The following RAPGEF4 variants were observed in gnomAD, a reference collection of about 807,000 sequenced individuals.
RAPGEF4 encodes RAP guanine-nucleotide-exchange factor (GEF) 4.
In RAPGEF4, 66 loss-of-function variants were observed where a neutral mutation model predicts 147.9. That is an observed-to-expected ratio of 0.45 (90% CI 0.37 to 0.55). The LOEUF is 0.55. RAPGEF4 is among the 20% of genes least tolerant of loss of function. The pLI is 0.00. For synonymous variants in RAPGEF4, 419 were observed against 442.7 expected (o/e 0.95, Z 0.67); for missense variants, 1,071 against 1,257.3 (o/e 0.85, Z 2.24).
intron 19 of RAPGEF4, among the ~76,000 whole-genome samples, chr2:173,016,954 A>G (rs16861173): frequency 0.057 from 8,622 of 152,276 alleles, 335 homozygotes; most frequent in East Asian, 0.1. Context: ...GGCTTTGAAC[A>G]TCGGTTCTGC....
At chr2:172,992,223 A>G (rs977475848) in intron 15 of RAPGEF4, among the ~76,000 whole-genome samples, 1 of 152,230 alleles carries the variant, frequency 6.6e-6, no homozygotes, top group Non-Finnish European at 1.5e-5. Context: ...CACTTACAAA[A>G]CTATAAAATT....
Position 172,735,898 on chromosome 2 carries a change from G to C in RAPGEF4, c.-86G>C. On this transcript the variant is annotated 5_prime_UTR_variant, in exon 1 of 31. Transcript: ENST00000397081. ...GGCGTCCGGGAGGAGCGGGGTCCGC[G>C]CGGCGGACGAGGCGGGGGCGGAGGC... The C allele has an allele frequency of 1.7e-6, 2 of 1,163,642 alleles. No homozygotes were observed. The highest frequency in any genetic ancestry group is 4.8e-5 in the South Asian group (2 of 42,084). The allele number at this position is 1,163,642 out of a possible 1,614,324, so 72.1% of individuals were successfully genotyped here. A position where few individuals can be genotyped will look rare whatever the true frequency, so the allele number is the denominator to read the frequency against.
chr2:172,751,791 A>G (rs1478719696), intron 1 of RAPGEF4, among the ~76,000 whole-genome samples: 1 of 152,190 alleles, frequency 6.6e-6, no homozygotes, highest in Non-Finnish European at 1.5e-5. Flanking sequence ...CACAGGCTGA[A>G]TCAATGCGGC....
At chr2:172,931,183 G>GGC (rs1491078776) in intron 6 of RAPGEF4, among the ~76,000 whole-genome samples, 1 of 83,494 alleles carries the variant, frequency 1.2e-5, no homozygotes, top group African/African-American at 4.1e-5. Flanking sequence ...GGGGGGGGGG[G>GGC]GCGCTGGGGG....
chr2:172,941,155 C>A (rs1208887704), intron 6 of RAPGEF4, among the ~76,000 whole-genome samples: 3 of 152,158 alleles, frequency 2.0e-5, no homozygotes, highest in Non-Finnish European at 4.4e-5. Flanking sequence ...CAAGTAAAGA[C>A]AGATTGATTT....
At chr2:172,833,491 T>C (rs1275267832) in intron 4 of RAPGEF4, among the ~76,000 whole-genome samples, 1 of 152,196 alleles carries the variant, frequency 6.6e-6, no homozygotes, top group African/African-American at 2.4e-5. Context: ...CTGAGTAATT[T>C]CAAACTTTGA....
At chr2:172,748,747 C>T (rs1694999740) in intron 1 of RAPGEF4, among the ~76,000 whole-genome samples, 1 of 152,184 alleles carries the variant, frequency 6.6e-6, no homozygotes, top group Admixed American at 6.5e-5. Flanking sequence ...ACTGAAAAGT[C>T]CACAGTCCAA....
At chr2:173,002,621 CTT>C (rs35905755) in intron 17 of RAPGEF4, among the ~76,000 whole-genome samples, 1 of 138,932 alleles carries the variant, frequency 7.2e-6, no homozygotes. Context: ...TTTATTCTTT[CTT>C]TTTTTTTTTT....
At chr2:173,009,004 A>G (rs1694761048) in intron 17 of RAPGEF4, among the ~76,000 whole-genome samples, 1 of 152,214 alleles carries the variant, frequency 6.6e-6, no homozygotes, top group African/African-American at 2.4e-5. Flanking sequence ...CTGCAAACAG[A>G]TCCAATCTGC....
At chr2:172,785,292 A>G (rs550951602) in intron 1 of RAPGEF4, among the ~76,000 whole-genome samples, 1 of 152,356 alleles carries the variant, frequency 6.6e-6, no homozygotes, top group African/African-American at 2.4e-5. Flanking sequence ...AACACAATGC[A>G]CACCTATCCA....
chr2:172,740,014 A>G (rs1026016574), intron 1 of RAPGEF4, among the ~76,000 whole-genome samples: 1 of 152,234 alleles, frequency 6.6e-6, no homozygotes, highest in African/African-American at 2.4e-5. Context: ...TTCAGTGTCT[A>G]TAAACAAAGT....
At chr2:172,988,872 G>A in intron 14 of RAPGEF4, 33 bp downstream of exon 14, 1 of 1,602,674 alleles carries the variant, frequency 6.2e-7, no homozygotes, top group South Asian at 1.1e-5. Flanking sequence ...CTGAGAGACA[G>A]CCCATTTTTT....
chr2:172,817,328 C>G (rs894716424), intron 4 of RAPGEF4, among the ~76,000 whole-genome samples: 2 of 152,144 alleles, frequency 1.3e-5, no homozygotes, highest in African/African-American at 4.8e-5. Flanking sequence ...TGTTGATGAT[C>G]TATACATGGC....
At chr2:172,929,372 G>A (rs894443006) in intron 6 of RAPGEF4, among the ~76,000 whole-genome samples, 2 of 152,058 alleles carry the variant, frequency 1.3e-5, no homozygotes, top group African/African-American at 4.8e-5. Flanking sequence ...ATTGAAGACA[G>A]ATGACAGATA....
chr2:172,987,434 C>G (rs533516591), intron 12 of RAPGEF4, among the ~76,000 whole-genome samples: 2 of 152,296 alleles, frequency 1.3e-5, no homozygotes, highest in East Asian at 3.9e-4. Flanking sequence ...TTCTAACTCA[C>G]TTTTTTAAAA....
At chr2:172,788,177 C>T (rs932607627) in intron 1 of RAPGEF4, among the ~76,000 whole-genome samples, 1 of 152,224 alleles carries the variant, frequency 6.6e-6, no homozygotes, top group South Asian at 2.1e-4. Flanking sequence ...AAAGGCTCCA[C>T]CTCCTAATAC....
intron 1 of RAPGEF4, among the ~76,000 whole-genome samples, chr2:172,783,323 C>A (rs1180325592): frequency 6.6e-6 from 1 of 152,194 alleles, no homozygotes; most frequent in Non-Finnish European, 1.5e-5. Context: ...CCAGTCACAA[C>A]TTTCTTATCT....
At position 173,027,240 on chromosome 2, in the gene RAPGEF4, TTTA is replaced by T; in HGVS notation, c.2543_2545del (p.Ile848del). 1 of 1,595,328 alleles carries T rather than the reference TTTA, an allele frequency of 6.3e-7. No homozygotes were observed. The highest frequency in any genetic ancestry group is 8.5e-7 in the Non-Finnish European group (1 of 1,175,120). The stretch of plus-strand genomic sequence containing the variant: ...CAAGCGTGTTCAGCTATTAAAAAAA[TTTA>T]TTAAGATAGCAGCCCAGTAAGTATA... On this transcript the variant is annotated inframe_deletion, in exon 25 of 31. Transcript: ENST00000397081.
chr2:172,990,150 AG>A (rs1692686728), intron 14 of RAPGEF4, among the ~76,000 whole-genome samples: 1 of 152,172 alleles, frequency 6.6e-6, no homozygotes, highest in African/African-American at 2.4e-5. Context: ...GTTGAGGAAA[AG>A]CATGTTAAAA....
Sources: allele counts gnomAD v4.1 joint callset (sites outside exome capture counted in the v4.1 genomes callset), GRCh38; gene constraint gnomAD v4.1.1; transcripts MANE v1.5; gene names NCBI Gene and HGNC (gene_info 2026-07-23, HGNC 2026-07-21).